SVOP: variants seen among roughly 807,000 people sequenced by gnomAD.
SVOP encodes synaptic vesicle 2-related protein.
SVOP carries 17 observed loss-of-function variants against 69.1 expected under a neutral mutation model. The observed-to-expected ratio is 0.25, with a 90% confidence interval of 0.17 to 0.37. The LOEUF is 0.37. Ranked by LOEUF, SVOP falls within the 10% of genes least tolerant of loss-of-function variation. The probability of loss-of-function intolerance (pLI) is 1.00; values close to 1 mark genes in which losing one functional copy is unlikely to be tolerated. For synonymous variants in SVOP, 238 were observed against 238.6 expected (o/e 1.00, Z 0.02); for missense variants, 435 against 597.5 (o/e 0.73, Z 2.84).
chr12:108,972,618 A>G (rs1207097680), intron 4 of SVOP, 142 bp from the exon 5 acceptor site: 1 of 827,736 alleles, frequency 1.2e-6, no homozygotes, highest in Non-Finnish European at 1.9e-6. Flanking sequence ...AGGGGCAAAC[A>G]CTAAGTGCTT....
intron 11 of SVOP, among the ~76,000 whole-genome samples, chr12:108,933,534 A>T (rs1307350998): frequency 2.6e-5 from 4 of 151,942 alleles, no homozygotes; most frequent in African/African-American, 4.8e-5. Flanking sequence ...TACAAAAATT[A>T]GCCAGACATG....
intron 1 of SVOP, 69 bp downstream of exon 1, chr12:109,020,765 C>T (rs1473265171): frequency 2.7e-5 from 11 of 414,648 alleles, no homozygotes; most frequent in Non-Finnish European, 3.3e-5. Context: ...CCCCCCCCCA[C>T]CCCCCTTGCA....
intron 5 of SVOP, among the ~76,000 whole-genome samples, chr12:108,964,526 T>C (rs2040034306): frequency 6.6e-6 from 1 of 151,884 alleles, no homozygotes; most frequent in South Asian, 2.1e-4. Context: ...AGCCGTATTA[T>C]CTGTCCTGTT....
chr12:108,977,330 G>T (rs2040111819), intron 4 of SVOP, 68 bp downstream of exon 4: 6 of 1,498,272 alleles, frequency 4.0e-6, no homozygotes, highest in South Asian at 1.2e-5. Context: ...GGAGAAGGGA[G>T]ATATCCCACA....
At chr12:108,999,851 G>A (rs2040257732) in intron 1 of SVOP, among the ~76,000 whole-genome samples, 1 of 151,644 alleles carries the variant, frequency 6.6e-6, no homozygotes. Flanking sequence ...ATGCCCACAA[G>A]AGAAAGCAGG....
chr12:109,018,894 C>T (rs1449542457), intron 1 of SVOP, among the ~76,000 whole-genome samples: 2 of 152,108 alleles, frequency 1.3e-5, no homozygotes, highest in Non-Finnish European at 2.9e-5. Flanking sequence ...TTCACAATAA[C>T]CTTATGAATT....
chr12:108,977,335 C>CT, intron 4 of SVOP, 63 bp downstream of exon 4: 1 of 1,508,776 alleles, frequency 6.6e-7, no homozygotes, highest in African/African-American at 1.4e-5. Context: ...AGGGAGATAT[C>CT]CCACAGGACA....
chr12:108,940,963 G>T, intron 7 of SVOP, 54 bp from the exon 8 acceptor site: 1 of 1,510,086 alleles, frequency 6.6e-7, no homozygotes, highest in Non-Finnish European at 8.9e-7. Context: ...CATACAGAGA[G>T]GAATTATGGG....
chr12:108,925,448 C>T (rs2039774622), intron 11 of SVOP, among the ~76,000 whole-genome samples: 1 of 152,216 alleles, frequency 6.6e-6, no homozygotes, highest in Admixed American at 6.5e-5. Flanking sequence ...CTTGTACTCA[C>T]TTTCTCCCCT....
intron 6 of SVOP, among the ~76,000 whole-genome samples, chr12:108,946,663 A>G (rs1397787269): frequency 6.7e-6 from 1 of 150,214 alleles, no homozygotes; most frequent in Admixed American, 6.6e-5. Context: ...GAGGATTCCA[A>G]TTTTATTCCA....
intron 14 of SVOP, among the ~76,000 whole-genome samples, chr12:108,917,743 A>T (rs1206220756): frequency 2.4e-4 from 36 of 151,992 alleles, no homozygotes; most frequent in Admixed American, 2.4e-3. Flanking sequence ...CCTAGGCTCA[A>T]GTGATCCTCC....
rs1211869923 is a variant in SVOP, at chr12:108,908,288, T to A, written c.*4247A>T. The A allele has an allele frequency of 1.3e-5, 2 of 152,272 alleles. No homozygotes were observed. The highest frequency in any genetic ancestry group is 2.9e-5 in the Non-Finnish European group (2 of 68,056). 9.4% of individuals were successfully genotyped at this position (152,272 alleles called of 1,614,324 possible). Reference sequence around the variant, plus strand: ...TTTCCCAGATCCCTGTTCCTCTGAATGACACCAGGCTGTACTTTATTCCTA... The same window carrying A: ...TTTCCCAGATCCCTGTTCCTCTGAAAGACACCAGGCTGTACTTTATTCCTA... On this transcript the variant is annotated 3_prime_UTR_variant, in exon 16 of 16. Transcript: ENST00000610966.
chr12:108,987,925 GAA>G (rs367544596), intron 1 of SVOP, among the ~76,000 whole-genome samples: 2 of 151,216 alleles, frequency 1.3e-5, no homozygotes, highest in South Asian at 2.1e-4. Context: ...ACCAAAGTTT[GAA>G]AAAAAAAATT....
rs749180986 is a variant in SVOP, at chr12:108,912,485, GC to G, written c.*49del. ...TCAGTGCCCCAGTTGGGGCCTGCCAGCCCCCCAAGCTCTGCAGCCTCAAAGA... is the reference window on the plus strand; with the variant it reads ...TCAGTGCCCCAGTTGGGGCCTGCCAGCCCCCAAGCTCTGCAGCCTCAAAGA... On this transcript the variant is annotated 3_prime_UTR_variant, in exon 16 of 16. Coordinates refer to ENST00000610966, the MANE Select transcript of SVOP (RefSeq NM_018711.5). The G allele has an allele frequency of 1.9e-6, 3 of 1,606,698 alleles. No homozygotes were observed. The highest frequency in any genetic ancestry group is 1.7e-5 in the Admixed American group (1 of 59,820).
intron 1 of SVOP, among the ~76,000 whole-genome samples, chr12:109,019,688 A>G (rs1216575516): frequency 2.0e-5 from 3 of 152,194 alleles, no homozygotes; most frequent in African/African-American, 7.2e-5. Context: ...ACATAATCAG[A>G]TATACTATTT....
chr12:108,910,771 G>GGAGATT lies in SVOP; in HGVS notation c.*1758_*1763dup, dbSNP rs1412930273. On this transcript the variant is annotated 3_prime_UTR_variant, in exon 16 of 16. Coordinates refer to ENST00000610966, the MANE Select transcript of SVOP (RefSeq NM_018711.5). ...TATGTCTTTCCCCACTCATTGGAAA[G>GGAGATT]GAGATTATCACACTAAAGCATTGAG... 6.6e-6 allele frequency: 1 copy of GGAGATT among 152,244 alleles called. No homozygotes were observed. Among genetic ancestry groups the GGAGATT allele is most frequent in the African/African-American group, 2.4e-5 (1 of 41,464 alleles). 9.4% of individuals were successfully genotyped at this position (152,244 alleles called of 1,614,324 possible).
At chr12:109,006,990 G>A (rs1426648319) in intron 1 of SVOP, among the ~76,000 whole-genome samples, 1 of 152,122 alleles carries the variant, frequency 6.6e-6, no homozygotes, top group Non-Finnish European at 1.5e-5. Context: ...GAGAAGAGGT[G>A]GTGGTGGTTT....
intron 1 of SVOP, among the ~76,000 whole-genome samples, chr12:109,013,566 T>G (rs1482127132): frequency 6.6e-6 from 1 of 152,076 alleles, no homozygotes; most frequent in East Asian, 1.9e-4. Context: ...AATTTTTGCA[T>G]TTTTAGTAGA....
chr12:108,976,259 T>C (rs1261206968), intron 4 of SVOP, among the ~76,000 whole-genome samples: 1 of 152,086 alleles, frequency 6.6e-6, no homozygotes, highest in Admixed American at 6.6e-5. Context: ...TACACAACCT[T>C]ATTGCTAATA....
Sources: gnomAD v4.1 joint callset for allele counts (sites outside exome capture counted in the v4.1 genomes callset) on GRCh38, gnomAD v4.1.1 for gene constraint, MANE v1.5 for transcripts, NCBI Gene and HGNC (gene_info 2026-07-23, HGNC 2026-07-21) for gene names.